The following AGBL4 variants were observed in gnomAD, a reference collection of about 807,000 sequenced individuals.
AGBL4 encodes the protein cytosolic carboxypeptidase 6.
A neutral mutation model predicts 66.4 loss-of-function variants in AGBL4; 58 were observed. That is an observed-to-expected ratio of 0.87 (90% CI 0.71 to 1.09). The LOEUF (loss-of-function observed/expected upper bound fraction) is 1.09, where lower values mean the gene tolerates loss of function less well. Ranked by LOEUF, AGBL4 falls within the 50% of genes least tolerant of loss-of-function variation. AGBL4 has a pLI of 0.00. For missense variants in AGBL4, 579 were observed against 631.0 expected (o/e 0.92, Z 0.88); for synonymous variants, 234 against 222.9 (o/e 1.05, Z -0.44).
intron 5 of AGBL4, among the ~76,000 whole-genome samples, chr1:48,956,487 CT>C: frequency 6.6e-6 from 1 of 152,268 alleles, no homozygotes; most frequent in East Asian, 1.9e-4. Flanking sequence ...TCATACCTTT[CT>C]TTAAAAATTT....
At chr1:49,377,958 A>G (rs534914693) in intron 3 of AGBL4, among the ~76,000 whole-genome samples, 17 of 152,172 alleles carry the variant, frequency 1.1e-4, no homozygotes, top group Admixed American at 7.9e-4. Context: ...AGATATGTAC[A>G]TCTTACATGC....
chr1:49,957,896 G>T (rs1039342436), intron 1 of AGBL4, among the ~76,000 whole-genome samples: 4 of 152,032 alleles, frequency 2.6e-5, no homozygotes, highest in Admixed American at 2.6e-4. Flanking sequence ...ATTTGATCCT[G>T]TCATGATGAT....
intron 3 of AGBL4, among the ~76,000 whole-genome samples, chr1:49,446,082 C>T (rs1646149930): frequency 6.6e-6 from 1 of 152,048 alleles, no homozygotes; most frequent in African/African-American, 2.4e-5. Flanking sequence ...AAACTCCTGA[C>T]CTCAAATGAT....
intron 6 of AGBL4, among the ~76,000 whole-genome samples, chr1:48,866,309 T>A (rs1648078336): frequency 6.6e-6 from 1 of 152,158 alleles, no homozygotes; most frequent in South Asian, 2.1e-4. Flanking sequence ...AATGTATTGG[T>A]AATTAGTCAT....
intron 4 of AGBL4, among the ~76,000 whole-genome samples, chr1:49,170,104 CA>C (rs1646707056): frequency 6.6e-6 from 1 of 150,744 alleles, no homozygotes; most frequent in Admixed American, 6.6e-5. Context: ...TCCAGGTAAC[CA>C]AAAACCACAT....
intron 5 of AGBL4, among the ~76,000 whole-genome samples, chr1:49,042,310 A>G (rs1012172041): frequency 1.3e-5 from 2 of 152,128 alleles, no homozygotes; most frequent in Admixed American, 6.6e-5. Flanking sequence ...TTATCCCCAG[A>G]AAGGGAACAT....
chr1:49,912,506 C>T (rs1650953883), intron 1 of AGBL4, among the ~76,000 whole-genome samples: 1 of 152,186 alleles, frequency 6.6e-6, no homozygotes, highest in Admixed American at 6.5e-5. Context: ...ATTTAATCTT[C>T]GCAACAACCC....
At chr1:49,492,749 G>A (rs915834700) in intron 3 of AGBL4, among the ~76,000 whole-genome samples, 2 of 151,896 alleles carry the variant, frequency 1.3e-5, no homozygotes, top group Non-Finnish European at 2.9e-5. Context: ...AATTAGTTAT[G>A]AATGAACTGT....
At chr1:49,133,522 GT>G (rs1319626161) in intron 4 of AGBL4, among the ~76,000 whole-genome samples, 3 of 152,092 alleles carry the variant, frequency 2.0e-5, no homozygotes, top group Non-Finnish European at 4.4e-5. Flanking sequence ...TTAAATACAT[GT>G]AAAACAAAAC....
chr1:48,674,233 A>G (rs1455756850), intron 6 of AGBL4, among the ~76,000 whole-genome samples: 4 of 152,190 alleles, frequency 2.6e-5, no homozygotes, highest in Admixed American at 2.6e-4. Context: ...ATGGCTGTGA[A>G]TCCCTGCCAT....
intron 6 of AGBL4, among the ~76,000 whole-genome samples, chr1:48,700,675 A>G (rs1307971052): frequency 6.6e-6 from 1 of 152,170 alleles, no homozygotes; most frequent in African/African-American, 2.4e-5. Flanking sequence ...TCTACCCACA[A>G]AAGAGCCAAG....
At position 49,661,219 on chromosome 1, in the gene AGBL4, A is replaced by G. The variant is rs1431924524; in HGVS notation, c.282+36094T>C. Among the ~76,000 whole-genome samples, 3 of 152,204 alleles carry G rather than the reference A, an allele frequency of 2.0e-5. No individual in the cohort carries two copies. The East Asian group carries it at 5.8e-4, about 29-fold the overall frequency. ...ACATAACTAGTCATTAGGAAAATGCAGATTAAAACCCCAGAGAGATACCAC... is the reference window on the plus strand; with the variant it reads ...ACATAACTAGTCATTAGGAAAATGCGGATTAAAACCCCAGAGAGATACCAC... On this transcript the variant is annotated intron_variant, in intron 3 of 13. Transcript: ENST00000371839.
intron 3 of AGBL4, among the ~76,000 whole-genome samples, chr1:49,406,275 A>C (rs1284324294): frequency 6.6e-6 from 1 of 151,800 alleles, no homozygotes; most frequent in African/African-American, 2.4e-5. Context: ...TTCCACTGGT[A>C]ATAGAAAAAG....
intron 6 of AGBL4, among the ~76,000 whole-genome samples, chr1:48,665,902 A>G (rs1185171318): frequency 1.1e-4 from 16 of 152,152 alleles, no homozygotes; most frequent in Admixed American, 1.0e-3. Flanking sequence ...GTCTCCCCTG[A>G]CCCCGTATCA....
At chr1:49,557,559 A>G (rs1372276456) in intron 3 of AGBL4, among the ~76,000 whole-genome samples, 1 of 152,098 alleles carries the variant, frequency 6.6e-6, no homozygotes, top group Non-Finnish European at 1.5e-5. Flanking sequence ...CTCAGCTGAT[A>G]TCTGCCCATG....
At chr1:49,233,744 T>C (rs778699889) in intron 4 of AGBL4, among the ~76,000 whole-genome samples, 1 of 152,224 alleles carries the variant, frequency 6.6e-6, no homozygotes, top group Non-Finnish European at 1.5e-5. Context: ...CTATTAAGGA[T>C]GAATTCATTC....
intron 3 of AGBL4, among the ~76,000 whole-genome samples, chr1:49,410,250 G>A (rs571409205): frequency 6.0e-4 from 92 of 152,256 alleles, no homozygotes; most frequent in African/African-American, 2.1e-3. Flanking sequence ...TCCCGAGCAC[G>A]ACTAGAAACC....
At chr1:49,140,303 G>A (rs985776613) in intron 4 of AGBL4, among the ~76,000 whole-genome samples, 6 of 152,214 alleles carry the variant, frequency 3.9e-5, no homozygotes, top group African/African-American at 1.2e-4. Flanking sequence ...TATAGATAAG[G>A]AAATCTAGGC....
chr1:48,981,198 T>A (rs980264517), intron 5 of AGBL4, among the ~76,000 whole-genome samples: 1 of 152,210 alleles, frequency 6.6e-6, no homozygotes, highest in African/African-American at 2.4e-5. Flanking sequence ...GCCTGGGCCT[T>A]AGTTATCTTC....
Sources: gnomAD v4.1 joint callset for allele counts (sites outside exome capture counted in the v4.1 genomes callset) on GRCh38, gnomAD v4.1.1 for gene constraint, MANE v1.5 for transcripts, NCBI Gene and HGNC (gene_info 2026-07-23, HGNC 2026-07-21) for gene names.